HIVEP2: variants seen among roughly 807,000 people sequenced by gnomAD.
The protein encoded by HIVEP2 is HIVEP zinc finger 2.
Under a neutral mutation model 180.7 loss-of-function variants are expected in HIVEP2, and 14 were observed. The observed-to-expected ratio is 0.08, with a 90% CI of 0.05 to 0.12. HIVEP2 has a LOEUF of 0.12. Among genes scored for constraint, HIVEP2 ranks in the 10% least tolerant of loss-of-function variants. The probability of loss-of-function intolerance (pLI) is 1.00; values close to 1 mark genes in which losing one functional copy is unlikely to be tolerated. For synonymous variants in HIVEP2, 1,184 were observed against 1,136.4 expected (o/e 1.04, Z -0.84); for missense variants, 2,579 against 3,008.5 (o/e 0.86, Z 3.34).
intron 1 of HIVEP2, among the ~76,000 whole-genome samples, chr6:142,925,268 T>C (rs977738888): frequency 2.0e-5 from 3 of 152,268 alleles, no homozygotes; most frequent in Non-Finnish European, 4.4e-5. Context: ...GTCACTCACA[T>C]AACCTTGTTT....
chr6:142,896,878 T>A (rs953085912), intron 1 of HIVEP2, among the ~76,000 whole-genome samples: 2 of 152,148 alleles, frequency 1.3e-5, no homozygotes, highest in African/African-American at 4.8e-5. Flanking sequence ...TTCACAATGA[T>A]GCAGAAATGC....
At chr6:142,843,944 A>G (rs886482917) in intron 1 of HIVEP2, among the ~76,000 whole-genome samples, 2 of 152,222 alleles carry the variant, frequency 1.3e-5, no homozygotes, top group African/African-American at 4.8e-5. Flanking sequence ...TCACTACAAT[A>G]GATTTAATAA....
chr6:142,869,388 T>C (rs7754478), intron 1 of HIVEP2, among the ~76,000 whole-genome samples: 199 of 152,322 alleles, frequency 1.3e-3, no homozygotes, highest in African/African-American at 4.7e-3. Context: ...TAAATATATA[T>C]AGTATCAACT....
At chr6:142,914,634 C>A (rs1274704172) in intron 1 of HIVEP2, among the ~76,000 whole-genome samples, 1 of 152,162 alleles carries the variant, frequency 6.6e-6, no homozygotes, top group Non-Finnish European at 1.5e-5. Flanking sequence ...GTATCCCCAG[C>A]CCTTGGTGCA....
chr6:142,843,638 A>C (rs1356801250), intron 1 of HIVEP2, among the ~76,000 whole-genome samples: 1 of 152,234 alleles, frequency 6.6e-6, no homozygotes, highest in East Asian at 1.9e-4. Context: ...TATCATTGGA[A>C]GCTTTTAATC....
intron 1 of HIVEP2, among the ~76,000 whole-genome samples, chr6:142,897,340 A>T (rs1172657420): frequency 6.6e-6 from 1 of 152,214 alleles, no homozygotes; most frequent in Non-Finnish European, 1.5e-5. Flanking sequence ...TAACTACTAA[A>T]GTGGAATTCA....
intron 1 of HIVEP2, among the ~76,000 whole-genome samples, chr6:142,921,978 T>C (rs184069323): frequency 2.6e-5 from 4 of 152,356 alleles, no homozygotes; most frequent in Non-Finnish European, 5.9e-5. Context: ...GCATATGGTA[T>C]TGATGCTTAA....
At chr6:142,889,942 C>A (rs1776812510) in intron 1 of HIVEP2, among the ~76,000 whole-genome samples, 1 of 152,030 alleles carries the variant, frequency 6.6e-6, no homozygotes, top group African/African-American at 2.4e-5. Flanking sequence ...ATTTAGATAA[C>A]CTCATGAGTC....
At position 142,785,054 on chromosome 6, in the gene HIVEP2, A is replaced by T. The variant is rs1330319266; in HGVS notation, c.-527-1439T>A. Reference sequence around the variant, plus strand: ...AGGCACCCACCACCACGCCCAGCTAATTTTTTTGCATTTTTAGTAGAGATG... The same window carrying T: ...AGGCACCCACCACCACGCCCAGCTATTTTTTTTGCATTTTTAGTAGAGATG... On this transcript the variant is annotated intron_variant, in intron 2 of 9. Coordinates refer to ENST00000367603, the MANE Select transcript of HIVEP2 (RefSeq NM_006734.4). 2.0e-5 allele frequency among the ~76,000 whole-genome samples: 3 copies of T among 151,496 alleles called. No homozygotes were observed. The East Asian group carries it at 5.8e-4, about 30-fold the overall frequency.
At chr6:142,838,793 T>G (rs1000283789) in intron 1 of HIVEP2, among the ~76,000 whole-genome samples, 1 of 152,196 alleles carries the variant, frequency 6.6e-6, no homozygotes, top group Non-Finnish European at 1.5e-5. Flanking sequence ...TCTTTTTCAG[T>G]CCCTCTTCAT....
chr6:142,890,063 G>A (rs761325841), intron 1 of HIVEP2, among the ~76,000 whole-genome samples: 4 of 152,124 alleles, frequency 2.6e-5, no homozygotes, highest in Non-Finnish European at 5.9e-5. Flanking sequence ...TGTTTACAAG[G>A]ATTCAAGTGC....
chr6:142,911,402 A>C (rs186817308), intron 1 of HIVEP2, among the ~76,000 whole-genome samples: 3 of 152,236 alleles, frequency 2.0e-5, no homozygotes, highest in African/African-American at 7.2e-5. Context: ...ATCTCTTGGT[A>C]CCATAGTCAA....
intron 2 of HIVEP2, among the ~76,000 whole-genome samples, chr6:142,834,063 A>C (rs1302625573): frequency 6.6e-6 from 1 of 152,226 alleles, no homozygotes. Context: ...GTTATAGTAC[A>C]CCCGGAGATA....
intron 3 of HIVEP2, among the ~76,000 whole-genome samples, chr6:142,782,691 T>A (rs1191410813): frequency 6.6e-6 from 1 of 152,206 alleles, no homozygotes; most frequent in Admixed American, 6.5e-5. Context: ...ACTGTGATGA[T>A]CATCCTCTAA....
intron 2 of HIVEP2, among the ~76,000 whole-genome samples, chr6:142,799,447 C>T (rs1272456370): frequency 6.6e-6 from 1 of 152,094 alleles, no homozygotes; most frequent in African/African-American, 2.4e-5. Context: ...CCATTTCTTG[C>T]TGAGGGGCTA....
chr6:142,941,076 T>C (rs969685818), intron 1 of HIVEP2, among the ~76,000 whole-genome samples: 1 of 152,186 alleles, frequency 6.6e-6, no homozygotes, highest in Non-Finnish European at 1.5e-5. Flanking sequence ...TGATGAGTAA[T>C]GGGAGTGTAT....
Position 142,771,865 on chromosome 6 carries a change from G to A in HIVEP2, c.2874C>T (p.Ser958=), listed in dbSNP as rs1352464365. ...EHSSGESSFE[S]TGTGLSRSPS... is the part of the protein sequence containing the mutation. The stretch of plus-strand genomic sequence containing the variant: ...GGCTGCGGGAGAGGCCTGTGCCTGT[G>A]GATTCAAAGCTGGACTCCCCTGAGG... Residue 958 remains serine, a synonymous_variant, in exon 5 of 10, where the codon TCC becomes TCT. Transcript: ENST00000367603. This position sits in a 1 kb window ranked among gnomAD's most constrained non-coding sequence, Gnocchi z 5.4. The A allele has an allele frequency of 6.2e-7, 1 of 1,614,216 alleles. No individual in the cohort carries two copies. Among genetic ancestry groups the A allele is most frequent in the South Asian group, 1.1e-5 (1 of 91,082 alleles).
At chr6:142,871,387 T>C (rs1053836738) in intron 1 of HIVEP2, among the ~76,000 whole-genome samples, 2 of 152,006 alleles carry the variant, frequency 1.3e-5, no homozygotes, top group African/African-American at 4.8e-5. Flanking sequence ...TTCTTGCTTA[T>C]TCATTCTACA....
At chr6:142,889,531 T>C (rs1341918977) in intron 1 of HIVEP2, among the ~76,000 whole-genome samples, 1 of 152,188 alleles carries the variant, frequency 6.6e-6, no homozygotes, top group Non-Finnish European at 1.5e-5. Flanking sequence ...AAAGAAGGTA[T>C]GGCAGAGCAA....
Sources: allele counts gnomAD v4.1 joint callset (sites outside exome capture counted in the v4.1 genomes callset), GRCh38; gene constraint gnomAD v4.1.1; non-coding constraint Gnocchi (gnomAD v3.1); transcripts MANE v1.5; gene names NCBI Gene and HGNC (gene_info 2026-07-23, HGNC 2026-07-21).